EYA2: variants seen among roughly 807,000 people sequenced by gnomAD.
EYA2 encodes the protein protein phosphatase EYA2.
A neutral mutation model predicts 69.2 loss-of-function variants in EYA2; 31 were observed. That is an observed-to-expected ratio of 0.45 (90% CI 0.34 to 0.60). The LOEUF (loss-of-function observed/expected upper bound fraction) is 0.60, where lower values mean the gene tolerates loss of function less well. EYA2 is among the 20% of genes least tolerant of loss of function. EYA2 has a pLI of 0.02. For missense variants in EYA2, 622 were observed against 701.2 expected (o/e 0.89, Z 1.28); for synonymous variants, 257 against 279.4 (o/e 0.92, Z 0.80).
At chr20:46,984,061 TTTC>T (rs376473181) in intron 1 of EYA2, among the ~76,000 whole-genome samples, 1 of 152,212 alleles carries the variant, frequency 6.6e-6, no homozygotes, top group African/African-American at 2.4e-5. Flanking sequence ...TTATTTTTGT[TTTC>T]TTCAATATGG....
chr20:47,147,974 A>C, intron 10 of EYA2, among the ~76,000 whole-genome samples: 1 of 149,190 alleles, frequency 6.7e-6, no homozygotes, highest in East Asian at 2.0e-4. Flanking sequence ...CAGGAGAATC[A>C]CTGGAACCCA....
In EYA2 at chr20:47,179,901, C is replaced by G; in HGVS notation, c.1302C>G (p.Leu434=). The change falls in exon 13 of 16, where the codon CTC becomes CTG. Residue 434 remains leucine (L), a synonymous_variant. Coordinates refer to ENST00000327619, the MANE Select transcript of EYA2 (RefSeq NM_005244.5). The stretch of plus-strand genomic sequence containing the variant: ...CCCACTCCCTGAAGGCACTAAACCT[C>G]ATCAACTCCCGGCAAGTGGCAGCCC... ...WLTHSLKALN[L]INSRPNCVNV... is the part of the protein sequence containing the mutation. 6.2e-7 allele frequency: 1 copy of G among 1,613,760 alleles called. No homozygotes were observed. Among genetic ancestry groups the G allele is most frequent in the Non-Finnish European group, 8.5e-7 (1 of 1,179,720 alleles).
At chr20:47,013,079 A>C (rs1052714261) in intron 4 of EYA2, among the ~76,000 whole-genome samples, 13 of 152,156 alleles carry the variant, frequency 8.5e-5, no homozygotes, top group Admixed American at 7.9e-4. Flanking sequence ...GAAAAACTTT[A>C]TTTTCTTTTC....
At chr20:47,090,719 T>C (rs1249019757) in intron 8 of EYA2, among the ~76,000 whole-genome samples, 1 of 152,170 alleles carries the variant, frequency 6.6e-6, no homozygotes, top group Non-Finnish European at 1.5e-5. Flanking sequence ...CCTAATACAA[T>C]ATAACTTTGT....
At chr20:47,112,889 T>TTTTTTTTTTTTTTTTTTG (rs1339901243) in intron 9 of EYA2, among the ~76,000 whole-genome samples, 1 of 131,096 alleles carries the variant, frequency 7.6e-6, no homozygotes, top group African/African-American at 2.8e-5. Context: ...TTTTTTTTTT[T>TTTTTTTTTTTTTTTTTTG]GAGACGGAGT....
At chr20:47,007,072 G>A (rs1210948926) in intron 4 of EYA2, among the ~76,000 whole-genome samples, 1 of 152,056 alleles carries the variant, frequency 6.6e-6, no homozygotes, top group Non-Finnish European at 1.5e-5. Flanking sequence ...TCAGACTACA[G>A]GCATACGCTA....
intron 5 of EYA2, among the ~76,000 whole-genome samples, chr20:47,068,065 A>T (rs1007721529): frequency 5.3e-5 from 8 of 152,216 alleles, no homozygotes; most frequent in African/African-American, 1.7e-4. Context: ...AATTAATCTT[A>T]GCTTCACAGC....
At chr20:46,938,069 C>T (rs147260977) in intron 1 of EYA2, among the ~76,000 whole-genome samples, 5 of 152,348 alleles carry the variant, frequency 3.3e-5, no homozygotes, top group East Asian at 1.9e-4. Context: ...TAAGGACACA[C>T]AGCTGGTAAA....
At chr20:47,112,974 C>T (rs1447667470) in intron 9 of EYA2, among the ~76,000 whole-genome samples, 7 of 145,776 alleles carry the variant, frequency 4.8e-5, no homozygotes, top group Non-Finnish European at 4.5e-5. Flanking sequence ...CAGGTTCAAG[C>T]GATCCTCCTG....
intron 9 of EYA2, among the ~76,000 whole-genome samples, chr20:47,136,741 CAAA>C (rs11482117): frequency 1.6e-4 from 17 of 108,102 alleles, no homozygotes; most frequent in African/African-American, 1.2e-4. Context: ...GACCCTGTCT[CAAA>C]AAAAAAAAAA....
intron 9 of EYA2, among the ~76,000 whole-genome samples, chr20:47,118,040 A>C (rs1227304143): frequency 6.6e-6 from 1 of 152,246 alleles, no homozygotes; most frequent in Admixed American, 6.5e-5. Flanking sequence ...GTAGCTCTGA[A>C]ACGGAGAGGA....
chr20:47,155,364 A>G (rs1297262541), intron 10 of EYA2, among the ~76,000 whole-genome samples: 1 of 151,956 alleles, frequency 6.6e-6, no homozygotes, highest in Non-Finnish European at 1.5e-5. Flanking sequence ...CACCTTCTAG[A>G]AAAGACATGT....
intron 5 of EYA2, among the ~76,000 whole-genome samples, chr20:47,055,428 T>C (rs117706738): frequency 1.7e-3 from 257 of 152,278 alleles, no homozygotes; most frequent in Non-Finnish European, 3.0e-3. Flanking sequence ...CTCCCTATAT[T>C]GTATCAGATC....
At chr20:47,079,743 G>A (rs1235827591) in intron 7 of EYA2, among the ~76,000 whole-genome samples, 1 of 151,986 alleles carries the variant, frequency 6.6e-6, no homozygotes, top group Non-Finnish European at 1.5e-5. Context: ...AAAAGAATAA[G>A]TTAGATATAT....
chr20:47,024,130 C>T (rs139582679), intron 5 of EYA2, among the ~76,000 whole-genome samples: 3 of 152,188 alleles, frequency 2.0e-5, no homozygotes, highest in Non-Finnish European at 4.4e-5. Context: ...TCCCTGCATG[C>T]CTGATAAGTT....
chr20:47,182,916 G>A (rs1444204554), intron 14 of EYA2, among the ~76,000 whole-genome samples: 1 of 152,132 alleles, frequency 6.6e-6, no homozygotes, highest in African/African-American at 2.4e-5. Flanking sequence ...CAGCCTGGGT[G>A]ACAGAGCAAG....
chr20:47,124,948 C>CT (rs2033141622), intron 9 of EYA2, among the ~76,000 whole-genome samples: 1 of 149,796 alleles, frequency 6.7e-6, no homozygotes, highest in South Asian at 2.1e-4. Flanking sequence ...CAACATCTTT[C>CT]TTTGTTCTCT....
chr20:47,165,013 A>G (rs1008029), intron 10 of EYA2, among the ~76,000 whole-genome samples: 90,399 of 152,056 alleles, frequency 0.59, 27,771 homozygotes, highest in African/African-American at 0.75. Context: ...AGATTTCTGC[A>G]ATGATAAAAT....
rs116515624 is a variant in EYA2, at chr20:47,070,416, G to A, written c.416-1769G>A. 3.0e-3 allele frequency among the ~76,000 whole-genome samples: 453 copies of A among 152,286 alleles called. 1 individual carries two copies. Among genetic ancestry groups the A allele is most frequent in the African/African-American group, 0.01 (425 of 41,570 alleles). On this transcript the variant is annotated intron_variant, in intron 5 of 15. Transcript: ENST00000327619. The stretch of plus-strand genomic sequence containing the variant: ...TGAAATGACCAAGTGCTGGAGAATC[G>A]AGAACTCTCGTGCATTACCAGTCAG...
Sources: allele counts gnomAD v4.1 joint callset (sites outside exome capture counted in the v4.1 genomes callset), GRCh38; gene constraint gnomAD v4.1.1; transcripts MANE v1.5; gene names NCBI Gene and HGNC (gene_info 2026-07-23, HGNC 2026-07-21).